MORC1: variants seen among roughly 807,000 people sequenced by gnomAD.
The protein encoded by MORC1 is MORC family CW-type zinc finger protein 1.
A neutral mutation model predicts 134.9 loss-of-function variants in MORC1; 59 were observed. The ratio of observed to expected loss-of-function variants is 0.44; its 90% CI spans 0.35 to 0.54. MORC1 has a LOEUF of 0.54. Ranked by LOEUF, MORC1 falls within the 20% of genes least tolerant of loss-of-function variation. The probability of loss-of-function intolerance (pLI) is 0.00; values close to 1 mark genes in which losing one functional copy is unlikely to be tolerated. For synonymous variants in MORC1, 395 were observed against 391.7 expected (o/e 1.01, Z -0.10); for missense variants, 947 against 1,134.5 (o/e 0.83, Z 2.37).
chr3:109,106,686 A>G (rs531586174), intron 3 of MORC1, among the ~76,000 whole-genome samples: 3 of 152,202 alleles, frequency 2.0e-5, no homozygotes, highest in Admixed American at 2.0e-4. Context: ...ACGGGCAACC[A>G]TCTGGTCCTC....
Position 108,958,948 on chromosome 3 carries a change from G to T in MORC1, c.*17C>A, listed in dbSNP as rs1379555467. 1.4e-6 allele frequency: 2 copies of T among 1,456,582 alleles called. No homozygotes were observed. The highest frequency in any genetic ancestry group is 1.5e-5 in the African/African-American group (1 of 67,330). The allele number at this position is 1,456,582 out of a possible 1,614,324, so 90.2% of individuals were successfully genotyped here. ...TTTTCTTATTAGCATTTTTTAAAAG[G>T]TAATACCATCTCTGACTTAATTTTC... On this transcript the variant is annotated 3_prime_UTR_variant, in exon 28 of 28. Transcript: ENST00000232603.
intron 6 of MORC1, among the ~76,000 whole-genome samples, chr3:109,098,519 C>A (rs1386295765): frequency 6.6e-6 from 1 of 152,142 alleles, no homozygotes; most frequent in Non-Finnish European, 1.5e-5. Flanking sequence ...ATATGCATCT[C>A]CAGGTCTGAG....
intron 8 of MORC1, among the ~76,000 whole-genome samples, chr3:109,090,716 G>A (rs760434117): frequency 9.9e-5 from 15 of 151,484 alleles, no homozygotes; most frequent in Non-Finnish European, 2.2e-4. Context: ...GGCCAATACG[G>A]CTTGAAAGTT....
At chr3:109,110,048 A>C (rs546824939) in intron 3 of MORC1, 4 of 152,200 alleles carry the variant, frequency 2.6e-5, no homozygotes, top group South Asian at 4.1e-4. Flanking sequence ...GTCCACGTCT[A>C]TCTCTCTCAT....
At chr3:108,961,886 T>A (rs1365039936) in intron 27 of MORC1, among the ~76,000 whole-genome samples, 1 of 152,260 alleles carries the variant, frequency 6.6e-6, no homozygotes, top group Admixed American at 6.5e-5. Context: ...TTTTATAAAC[T>A]TGTTTAATAG....
chr3:109,085,585 C>T (rs1950602203), intron 8 of MORC1, among the ~76,000 whole-genome samples: 4 of 152,038 alleles, frequency 2.6e-5, no homozygotes. Context: ...ATTAAAATGG[C>T]TTTTATCCAA....
chr3:109,024,523 C>G (rs1177118231), intron 17 of MORC1, among the ~76,000 whole-genome samples: 1 of 152,122 alleles, frequency 6.6e-6, no homozygotes, highest in Non-Finnish European at 1.5e-5. Context: ...TTTTGATTTA[C>G]CTGGTCAACC....
intron 8 of MORC1, among the ~76,000 whole-genome samples, chr3:109,082,484 C>A (rs528244180): frequency 6.6e-6 from 1 of 151,962 alleles, no homozygotes; most frequent in South Asian, 2.1e-4. Context: ...TGTGAGCTCT[C>A]GGATAAAGAA....
At chr3:108,977,505 C>T (rs1487117133) in intron 24 of MORC1, among the ~76,000 whole-genome samples, 4 of 152,076 alleles carry the variant, frequency 2.6e-5, no homozygotes, top group African/African-American at 9.7e-5. Context: ...GCATGAGCCA[C>T]GGTGCCTGGT....
intron 14 of MORC1, among the ~76,000 whole-genome samples, chr3:109,037,395 C>T (rs561831391): frequency 6.6e-6 from 1 of 152,282 alleles, no homozygotes; most frequent in Non-Finnish European, 1.5e-5. Context: ...TCCCTGGTAT[C>T]TAGAAGGGTT....
At chr3:109,103,550 G>A (rs1400680801) in intron 4 of MORC1, among the ~76,000 whole-genome samples, 1 of 152,176 alleles carries the variant, frequency 6.6e-6, no homozygotes, top group Admixed American at 6.5e-5. Context: ...AGTCTATTCA[G>A]TGACTATTTG....
intron 26 of MORC1, among the ~76,000 whole-genome samples, chr3:108,966,896 ATGGTTTGAGTC>A (rs750791927): frequency 1.3e-5 from 2 of 152,130 alleles, no homozygotes; most frequent in Non-Finnish European, 2.9e-5. Context: ...ATAAAAGATA[ATGGTTTGAGTC>A]AGGTGATGCA....
chr3:108,970,086 T>C (rs1340464052), intron 25 of MORC1, among the ~76,000 whole-genome samples: 3 of 151,878 alleles, frequency 2.0e-5, no homozygotes, highest in South Asian at 4.2e-4. Flanking sequence ...GAGAAACAGA[T>C]GGGGAAGTCA....
chr3:108,991,946 G>A (rs975532456), intron 21 of MORC1, among the ~76,000 whole-genome samples: 5 of 152,068 alleles, frequency 3.3e-5, no homozygotes, highest in South Asian at 2.1e-4. Flanking sequence ...TCTATACTAC[G>A]ATTTTCAGGA....
At chr3:109,110,317 C>T (rs1367004724) in intron 3 of MORC1, 5 of 158,938 alleles carry the variant, frequency 3.1e-5, no homozygotes, top group Non-Finnish European at 4.1e-5. Flanking sequence ...TTGATGACTA[C>T]GAATAAAGTC....
At chr3:109,115,249 C>T (rs1295095158) in intron 1 of MORC1, among the ~76,000 whole-genome samples, 2 of 152,068 alleles carry the variant, frequency 1.3e-5, no homozygotes, top group Admixed American at 1.3e-4. Context: ...AAAAATACAT[C>T]TGCTCTTCTA....
In MORC1 at chr3:108,958,496, C is replaced by T. The variant is rs909676776; in HGVS notation, c.*469G>A. The T allele has an allele frequency of 6.6e-6, 1 of 151,950 alleles. No homozygotes were observed. Among genetic ancestry groups the T allele is most frequent in the African/African-American group, 2.4e-5 (1 of 41,372 alleles). 9.4% of individuals were successfully genotyped at this position (151,950 alleles called of 1,614,324 possible). A position where few individuals can be genotyped will look rare whatever the true frequency, so the allele number is the denominator to read the frequency against. ...GGGGGGATTTGTATTTTCTGCTTGA[C>T]TGAGTGTTGGCTATAGTGGAGAAAG... is the stretch of plus-strand genomic sequence containing the variant. On this transcript the variant is annotated 3_prime_UTR_variant, in exon 28 of 28. Coordinates refer to ENST00000232603, the MANE Select transcript of MORC1 (RefSeq NM_014429.4).
chr3:109,035,113 T>A (rs530841143), intron 15 of MORC1, among the ~76,000 whole-genome samples: 13 of 152,148 alleles, frequency 8.5e-5, no homozygotes, highest in Admixed American at 7.2e-4. Flanking sequence ...TACTCCCCCA[T>A]CCTTTTCTTT....
chr3:109,099,534 G>T, intron 5 of MORC1, 68 bp from the exon 6 acceptor site: 1 of 1,156,538 alleles, frequency 8.6e-7, no homozygotes, highest in Non-Finnish European at 1.2e-6. Context: ...CAGGCAGACT[G>T]TTATCACCGT....
Sources: allele counts gnomAD v4.1 joint callset (sites outside exome capture counted in the v4.1 genomes callset), GRCh38; gene constraint gnomAD v4.1.1; transcripts MANE v1.5; gene names NCBI Gene and HGNC (gene_info 2026-07-23, HGNC 2026-07-21).